Variants in MCU observed in about 807,000 individuals in gnomAD.
MCU encodes the protein mitochondrial calcium uniporter.
In MCU, 12 loss-of-function variants were observed where a neutral mutation model predicts 45.2. The observed-to-expected ratio is 0.27, with a 90% CI of 0.17 to 0.43. The LOEUF is 0.43. Ranked by LOEUF, MCU falls within the 20% of genes least tolerant of loss-of-function variation. MCU has a pLI of 1.00. For synonymous variants in MCU, 160 were observed against 165.1 expected, an observed-to-expected ratio of 0.97 and a Z score of 0.24; for missense variants, 324 against 436.7, an observed-to-expected ratio of 0.74 and a Z score of 2.30.
intron 1 of MCU, among the ~76,000 whole-genome samples, chr10:72,746,582 T>C (rs960137268): frequency 6.6e-6 from 1 of 152,198 alleles, no homozygotes; most frequent in African/African-American, 2.4e-5. Flanking sequence ...TTCTAGGGTA[T>C]GTAATAAGAC....
chr10:72,862,803 A>T (rs1845398947), intron 4 of MCU, among the ~76,000 whole-genome samples: 1 of 152,074 alleles, frequency 6.6e-6, no homozygotes, highest in African/African-American at 2.4e-5. Flanking sequence ...TCACACCTGT[A>T]ATCCCAGCAC....
chr10:72,805,114 T>C (rs181036467), intron 1 of MCU, among the ~76,000 whole-genome samples: 7 of 123,072 alleles, frequency 5.7e-5, no homozygotes, highest in Non-Finnish European at 9.6e-5. Flanking sequence ...TTTCTTTCTT[T>C]CTTTCTTTCT....
intron 1 of MCU, among the ~76,000 whole-genome samples, chr10:72,800,247 C>A (rs1844318411): frequency 6.6e-6 from 1 of 152,192 alleles, no homozygotes; most frequent in South Asian, 2.1e-4. Context: ...ATAGTTGAAA[C>A]CTTTTGCTTT....
chr10:72,813,761 T>TA (rs1189038151), intron 1 of MCU, among the ~76,000 whole-genome samples: 1 of 152,024 alleles, frequency 6.6e-6, no homozygotes, highest in Non-Finnish European at 1.5e-5. Flanking sequence ...GCCCAGCAAA[T>TA]ACCATCTCTC....
At chr10:72,759,083 C>A (rs1843617916) in intron 1 of MCU, among the ~76,000 whole-genome samples, 1 of 152,086 alleles carries the variant, frequency 6.6e-6, no homozygotes, top group Non-Finnish European at 1.5e-5. Context: ...TACTTCTGTT[C>A]ATCTGTAGCA....
Position 72,880,482 on chromosome 10 carries a change from G to A in MCU, c.862-3784G>A, listed in dbSNP as rs186039313. 4.6e-5 allele frequency among the ~76,000 whole-genome samples: 7 copies of A among 151,750 alleles called. No homozygotes were observed. The East Asian group carries it at 5.8e-4, about 13-fold the overall frequency. On this transcript the variant is annotated intron_variant, in intron 6 of 7. Coordinates refer to ENST00000373053, the MANE Select transcript of MCU (RefSeq NM_138357.3). ...GACCACACGTAGAAGGCAAAGCGGGGGGGGGGAAACCCTAGAAATATATGT... is the reference window on the plus strand; with the variant it reads ...GACCACACGTAGAAGGCAAAGCGGGAGGGGGGAAACCCTAGAAATATATGT...
At chr10:72,778,064 A>C (rs886180538) in intron 1 of MCU, among the ~76,000 whole-genome samples, 2 of 152,206 alleles carry the variant, frequency 1.3e-5, no homozygotes, top group African/African-American at 2.4e-5. Context: ...GAACCCTCGT[A>C]AACTGTTCTT....
intron 1 of MCU, among the ~76,000 whole-genome samples, chr10:72,763,391 A>T (rs1202760892): frequency 6.6e-6 from 1 of 152,138 alleles, no homozygotes; most frequent in Non-Finnish European, 1.5e-5. Context: ...AACTGGGTGA[A>T]GCGGGAGTAT....
At chr10:72,873,471 GTTGT>G (rs1464028117) in intron 6 of MCU, among the ~76,000 whole-genome samples, 3 of 152,060 alleles carry the variant, frequency 2.0e-5, no homozygotes, top group Non-Finnish European at 2.9e-5. Flanking sequence ...TTGCTATTGA[GTTGT>G]TTGAGTTCCT....
At chr10:72,723,155 C>T (rs1444793836) in intron 1 of MCU, among the ~76,000 whole-genome samples, 1 of 152,056 alleles carries the variant, frequency 6.6e-6, no homozygotes, top group Non-Finnish European at 1.5e-5. Context: ...GAGATTGGGC[C>T]ACTGCACTCC....
intron 1 of MCU, among the ~76,000 whole-genome samples, chr10:72,748,849 G>A (rs914210438): frequency 1.3e-5 from 2 of 152,164 alleles, no homozygotes; most frequent in Admixed American, 1.3e-4. Flanking sequence ...AAGGAAACAG[G>A]TAAACTTTCC....
At chr10:72,761,346 A>G (rs1682856651) in intron 1 of MCU, among the ~76,000 whole-genome samples, 1 of 152,236 alleles carries the variant, frequency 6.6e-6, no homozygotes, top group African/African-American at 2.4e-5. Context: ...TGTCTCCCAA[A>G]GAATGGAAGT....
chr10:72,799,140 G>A (rs1844298423), intron 1 of MCU, among the ~76,000 whole-genome samples: 1 of 151,916 alleles, frequency 6.6e-6, no homozygotes, highest in African/African-American at 2.4e-5. Context: ...TGGCCAGGCT[G>A]GTCTCGAACT....
intron 1 of MCU, chr10:72,712,199 T>C (rs916909232): frequency 1.3e-5 from 2 of 152,214 alleles, no homozygotes; most frequent in African/African-American, 4.8e-5. Flanking sequence ...AGGAATTTAT[T>C]ATGTCATTTT....
At chr10:72,694,958 G>GC (rs1179244286) in intron 1 of MCU, among the ~76,000 whole-genome samples, 2 of 152,248 alleles carry the variant, frequency 1.3e-5, no homozygotes, top group African/African-American at 2.4e-5. Flanking sequence ...AGGTACAGGG[G>GC]CTTATTCAAT....
chr10:72,761,420 T>A (rs1023534752), intron 1 of MCU, among the ~76,000 whole-genome samples: 1 of 152,178 alleles, frequency 6.6e-6, no homozygotes, highest in Admixed American at 6.5e-5. Flanking sequence ...CTTGGAAAAT[T>A]TATTCTGAGG....
At chr10:72,769,854 A>C (rs937736381) in intron 1 of MCU, among the ~76,000 whole-genome samples, 1 of 152,170 alleles carries the variant, frequency 6.6e-6, no homozygotes, top group Admixed American at 6.6e-5. Context: ...ACATTTCTGT[A>C]ATGGAATCAT....
intron 1 of MCU, among the ~76,000 whole-genome samples, chr10:72,707,216 TGA>T (rs1268106968): frequency 3.4e-5 from 5 of 148,236 alleles, no homozygotes; most frequent in Non-Finnish European, 5.9e-5. Context: ...TTTTTTTTTT[TGA>T]GAGAGAGTCT....
At chr10:72,846,666 A>C (rs1233357092) in intron 2 of MCU, among the ~76,000 whole-genome samples, 1 of 152,144 alleles carries the variant, frequency 6.6e-6, no homozygotes, top group African/African-American at 2.4e-5. Context: ...TAATTTATAA[A>C]TTAAACTTAA....
Sources: allele counts gnomAD v4.1 joint callset (sites outside exome capture counted in the v4.1 genomes callset), GRCh38; gene constraint gnomAD v4.1.1; transcripts MANE v1.5; gene names NCBI Gene and HGNC (gene_info 2026-07-23, HGNC 2026-07-21).